The following AFF4 variants were observed in gnomAD, a reference collection of about 807,000 sequenced individuals.
The protein encoded by AFF4 is ALF transcription elongation factor 4.
A neutral mutation model predicts 124.8 loss-of-function variants in AFF4; 13 were observed. The observed-to-expected ratio is 0.10, with a 90% CI of 0.07 to 0.17. The LOEUF (loss-of-function observed/expected upper bound fraction) is 0.17. AFF4 is among the 10% of genes least tolerant of loss of function. The probability of loss-of-function intolerance (pLI) is 1.00; values close to 1 mark genes in which losing one functional copy is unlikely to be tolerated. For synonymous variants in AFF4, 477 were observed against 496.1 expected (o/e 0.96, Z 0.51); for missense variants, 1,092 against 1,403.8 (o/e 0.78, Z 3.55).
At chr5:132,935,763 A>G (rs1359316336) in intron 2 of AFF4, among the ~76,000 whole-genome samples, 1 of 151,548 alleles carries the variant, frequency 6.6e-6, no homozygotes, top group African/African-American at 2.4e-5. Context: ...TCTCCGAAAA[A>G]AAAAAAAAAA....
At chr5:132,906,052 A>C (rs970833494) in intron 5 of AFF4, among the ~76,000 whole-genome samples, 25 of 152,346 alleles carry the variant, frequency 1.6e-4, no homozygotes, top group African/African-American at 6.0e-4. Context: ...CATCACGGAA[A>C]TACAAATCTA....
intron 1 of AFF4, 88 bp downstream of exon 1, chr5:132,963,171 G>A: frequency 5.3e-6 from 2 of 378,432 alleles, no homozygotes; most frequent in East Asian, 3.8e-5. Flanking sequence ...GCTCCCCGCA[G>A]AACTTGCGGG....
intron 13 of AFF4, among the ~76,000 whole-genome samples, chr5:132,890,230 T>C (rs890854276): frequency 7.2e-5 from 11 of 151,982 alleles, no homozygotes; most frequent in African/African-American, 1.7e-4. Flanking sequence ...CTGAATATTA[T>C]GTTGTACTGT....
At chr5:132,953,660 A>G (rs1006255914) in intron 1 of AFF4, among the ~76,000 whole-genome samples, 1 of 152,198 alleles carries the variant, frequency 6.6e-6, no homozygotes, top group African/African-American at 2.4e-5. Flanking sequence ...ATAGTAATGC[A>G]TCCAGCCAGC....
intron 1 of AFF4, among the ~76,000 whole-genome samples, chr5:132,960,886 A>G (rs558438027): frequency 2.6e-5 from 4 of 152,228 alleles, no homozygotes; most frequent in Admixed American, 2.6e-4. Context: ...AAAAAAAGAA[A>G]ATTACAGTGC....
At chr5:132,922,350 C>T (rs1291334112) in intron 5 of AFF4, among the ~76,000 whole-genome samples, 3 of 151,810 alleles carry the variant, frequency 2.0e-5, no homozygotes, top group Non-Finnish European at 4.4e-5. Context: ...TCCGGGAGTT[C>T]GTGAGTGCAA....
At position 132,904,623 on chromosome 5, in the gene AFF4, A is replaced by G. The variant is rs61347233; in HGVS notation, c.1051-219T>C. ...GCCACCTAATAATCTTTATCATTCAATTCTTTCAGCAGCATCCATTGTAGT... is the reference window on the plus strand; with the variant it reads ...GCCACCTAATAATCTTTATCATTCAGTTCTTTCAGCAGCATCCATTGTAGT... On this transcript the variant is annotated intron_variant, in intron 5 of 20. Transcript: ENST00000265343. Among the ~76,000 whole-genome samples the G allele has an allele frequency of 0.015, 2,243 of 152,278 alleles. 67 individuals are homozygous for G. Among genetic ancestry groups the G allele is most frequent in the African/African-American group, 0.052 (2,150 of 41,528 alleles).
rs151150473 is a variant in AFF4 at position 132,901,149 on chromosome 5, T to C, written c.1133+1293A>G. 195 of 985,314 alleles carry C rather than the reference T, an allele frequency of 2.0e-4. 2 individuals carry two copies. The African/African-American group carries it at 2.9e-3, about 15-fold the overall frequency. 61.0% of individuals were successfully genotyped at this position (985,314 alleles called of 1,614,324 possible). A position where few individuals can be genotyped will look rare whatever the true frequency, so the allele number is the denominator to read the frequency against. On this transcript the variant is annotated intron_variant, in intron 7 of 20. Transcript: ENST00000265343. ...TGATTTTCCTCTAAGGAAATGTACT[T>C]AGTCTGAATTCTCTCGGCCTTTATG...
chr5:132,931,098 C>T (rs1053057060), intron 4 of AFF4, among the ~76,000 whole-genome samples: 5 of 135,428 alleles, frequency 3.7e-5, no homozygotes, highest in African/African-American at 1.4e-4. Flanking sequence ...CAGAGTAAAA[C>T]TCTGGCTCAA....
At chr5:132,928,519 T>C (rs1160885141) in intron 4 of AFF4, among the ~76,000 whole-genome samples, 1 of 152,198 alleles carries the variant, frequency 6.6e-6, no homozygotes, top group Non-Finnish European at 1.5e-5. Flanking sequence ...TGTCTCTCTT[T>C]ACCTCTTTGA....
chr5:132,908,774 A>AT (rs374776534), intron 5 of AFF4, among the ~76,000 whole-genome samples: 15,817 of 121,962 alleles, frequency 0.13, 1,096 homozygotes, highest in Non-Finnish European at 0.17. Context: ...ATATATATAT[A>AT]TATTTTTTTT....
chr5:132,924,700 A>C (rs1419153755), intron 5 of AFF4, among the ~76,000 whole-genome samples: 2 of 151,466 alleles, frequency 1.3e-5, no homozygotes. Flanking sequence ...CTAAAAATAC[A>C]AAAAATTAGC....
intron 1 of AFF4, among the ~76,000 whole-genome samples, chr5:132,946,194 T>C (rs1182135344): frequency 2.0e-5 from 3 of 152,160 alleles, no homozygotes; most frequent in African/African-American, 7.2e-5. Context: ...TGCAGACAAA[T>C]TGTAACCTTT....
chr5:132,886,229 A>G (rs1171425279), intron 18 of AFF4, 81 bp downstream of exon 18: 1 of 1,220,454 alleles, frequency 8.2e-7, no homozygotes, highest in African/African-American at 1.5e-5. Flanking sequence ...TTGCATAAAC[A>G]TGAGGGCAGT....
chr5:132,898,508 G>GCAC, intron 9 of AFF4, 116 bp from the exon 10 acceptor site: 1 of 1,107,458 alleles, frequency 9.0e-7, no homozygotes, highest in Non-Finnish European at 1.3e-6. Flanking sequence ...TTTTTAGACG[G>GCAC]AGTCTTGCTC....
Position 132,877,126 on chromosome 5 carries a change from T to C in AFF4, c.*3933A>G, listed in dbSNP as rs1168167274. Reference sequence around the variant, plus strand: ...TTTGAAATGCTCTGTCTCCCCAAGTTACTTAGGTTTTTTAAAAAACATCAT... The same window carrying C: ...TTTGAAATGCTCTGTCTCCCCAAGTCACTTAGGTTTTTTAAAAAACATCAT... On this transcript the variant is annotated 3_prime_UTR_variant, in exon 21 of 21. Transcript: ENST00000265343. 1 of 205,500 alleles carries C rather than the reference T, an allele frequency of 4.9e-6. No homozygotes were observed. Among genetic ancestry groups the C allele is most frequent in the Non-Finnish European group, 1.0e-5 (1 of 100,224 alleles). The allele number at this position is 205,500 out of a possible 1,614,324, so 12.7% of individuals were successfully genotyped here.
intron 2 of AFF4, among the ~76,000 whole-genome samples, chr5:132,936,235 C>T (rs1335412794): frequency 7.8e-6 from 1 of 128,356 alleles, no homozygotes; most frequent in Non-Finnish European, 1.5e-5. Context: ...CCACTGCACT[C>T]CAACCTGGGC....
At chr5:132,931,167 C>T (rs1374429832) in intron 4 of AFF4, among the ~76,000 whole-genome samples, 1 of 150,804 alleles carries the variant, frequency 6.6e-6, no homozygotes, top group African/African-American at 2.4e-5. Flanking sequence ...ATAATCCCAG[C>T]ACTTTGGGAG....
chr5:132,941,773 C>T (rs1293527580), intron 1 of AFF4, among the ~76,000 whole-genome samples: 2 of 151,982 alleles, frequency 1.3e-5, no homozygotes, highest in African/African-American at 4.8e-5. Flanking sequence ...TTTAGGAGGC[C>T]AACGAGGGCA....
Sources: gnomAD v4.1 joint callset for allele counts (sites outside exome capture counted in the v4.1 genomes callset) on GRCh38, gnomAD v4.1.1 for gene constraint, MANE v1.5 for transcripts, NCBI Gene and HGNC (gene_info 2026-07-23, HGNC 2026-07-21) for gene names.